The following PCNX2 variants were observed in gnomAD, a reference collection of about 807,000 sequenced individuals.
The protein encoded by PCNX2 is pecanex 2.
In PCNX2, 168 loss-of-function variants were observed where a neutral mutation model predicts 223.8. That is an observed-to-expected ratio of 0.75 (90% CI 0.66 to 0.85). The LOEUF is 0.85. PCNX2 is among the 40% of genes least tolerant of loss of function. The pLI is 0.00. For missense variants in PCNX2, 2,507 were observed against 2,675.5 expected, an observed-to-expected ratio of 0.94 and a Z score of 1.39; for synonymous variants, 1,006 against 1,052.6, an observed-to-expected ratio of 0.96 and a Z score of 0.86.
chr1:233,283,557 A>G (rs1428464658), intron 1 of PCNX2, among the ~76,000 whole-genome samples: 1 of 152,200 alleles, frequency 6.6e-6, no homozygotes, highest in Non-Finnish European at 1.5e-5. Context: ...ATATCCACGA[A>G]AAGGTCTCAC....
chr1:233,142,822 T>C (rs1677208256), intron 19 of PCNX2, among the ~76,000 whole-genome samples: 1 of 152,078 alleles, frequency 6.6e-6, no homozygotes, highest in Admixed American at 6.6e-5. Context: ...CTCCCTCCTT[T>C]TGAAAACTCA....
At chr1:233,191,468 A>T (rs942387696) in intron 15 of PCNX2, among the ~76,000 whole-genome samples, 1 of 152,200 alleles carries the variant, frequency 6.6e-6, no homozygotes, top group Non-Finnish European at 1.5e-5. Flanking sequence ...CATCAAGAAC[A>T]TCAAGAACAA....
At chr1:232,998,219 A>T in intron 32 of PCNX2, 32 bp downstream of exon 32, 4 of 1,496,284 alleles carry the variant, frequency 2.7e-6, no homozygotes, top group Non-Finnish European at 3.6e-6. Context: ...ATAGGACTTC[A>T]TCGATAGTTT....
intron 17 of PCNX2, among the ~76,000 whole-genome samples, chr1:233,176,279 C>T (rs1335068186): frequency 1.3e-5 from 2 of 152,034 alleles, no homozygotes; most frequent in African/African-American, 2.4e-5. Flanking sequence ...TGTCCAGAGC[C>T]CTTATCCTGG....
intron 23 of PCNX2, among the ~76,000 whole-genome samples, chr1:233,083,312 G>C (rs10752797): frequency 0.53 from 79,962 of 152,060 alleles, 21,431 homozygotes; most frequent in Non-Finnish European, 0.57. Flanking sequence ...AAAGGAAGGA[G>C]AGCTGCCTCC....
At chr1:233,181,467 G>T in intron 15 of PCNX2, among the ~76,000 whole-genome samples, 1 of 151,992 alleles carries the variant, frequency 6.6e-6, no homozygotes, top group East Asian at 1.9e-4. Context: ...CAAAGTGCTG[G>T]GATTAAAGGG....
At chr1:233,319,734 T>C in the PCNX2 span, among the ~76,000 whole-genome samples, 2 of 152,268 alleles carry the variant, frequency 1.3e-5, no homozygotes, top group African/African-American at 2.4e-5. Flanking sequence ...GATCTCTTAA[T>C]GTGCTTAAAA....
chr1:233,060,206 A>G (rs1672352764), intron 23 of PCNX2, among the ~76,000 whole-genome samples: 1 of 152,240 alleles, frequency 6.6e-6, no homozygotes, highest in Non-Finnish European at 1.5e-5. Flanking sequence ...CAGAAAATCC[A>G]GCAACCAACA....
intron 21 of PCNX2, chr1:233,112,720 A>ACG: frequency 1.5e-6 from 1 of 660,818 alleles, no homozygotes; most frequent in Non-Finnish European, 1.9e-6. Context: ...TGAACAATAT[A>ACG]ACTAAATTCA....
At chr1:233,234,330 T>C (rs1658257723) in intron 9 of PCNX2, among the ~76,000 whole-genome samples, 1 of 152,234 alleles carries the variant, frequency 6.6e-6, no homozygotes, top group South Asian at 2.1e-4. Flanking sequence ...GTAAATATTT[T>C]CTTAGGGTCT....
chr1:233,280,054 C>T (rs1314782038), intron 1 of PCNX2, among the ~76,000 whole-genome samples: 1 of 152,060 alleles, frequency 6.6e-6, no homozygotes, highest in Non-Finnish European at 1.5e-5. Context: ...ATATCTTCTG[C>T]TTTTTTCTCT....
At chr1:233,003,288 G>T (rs1378733884) in intron 28 of PCNX2, among the ~76,000 whole-genome samples, 1 of 151,950 alleles carries the variant, frequency 6.6e-6, no homozygotes, top group East Asian at 1.9e-4. Flanking sequence ...GAATCTACAA[G>T]GAACTTAAAC....
intron 14 of PCNX2, 95 bp from the exon 15 acceptor site, chr1:233,199,125 A>C (rs1680909060): frequency 1.8e-6 from 2 of 1,142,506 alleles, no homozygotes; most frequent in Non-Finnish European, 1.2e-6. Flanking sequence ...ATTCGCATAC[A>C]AGATGCCTGC....
intron 31 of PCNX2, 40 bp downstream of exon 31, chr1:232,999,065 C>T (rs1190958482): frequency 1.3e-6 from 2 of 1,550,540 alleles, no homozygotes; most frequent in Non-Finnish European, 1.7e-6. Context: ...CCACACCTTC[C>T]CCCAGCATCT....
intron 20 of PCNX2, 143 bp from the exon 21 acceptor site, chr1:233,135,333 G>T: frequency 1.3e-6 from 1 of 770,492 alleles, no homozygotes; most frequent in Non-Finnish European, 2.0e-6. Context: ...CCCCATTATT[G>T]TCTGCATTTT....
At chr1:233,075,984 T>G (rs1673080522) in intron 23 of PCNX2, among the ~76,000 whole-genome samples, 1 of 152,172 alleles carries the variant, frequency 6.6e-6, no homozygotes, top group Non-Finnish European at 1.5e-5. Flanking sequence ...TTTCTGCAAA[T>G]GCAACTAATA....
At chr1:233,094,885 A>G (rs1674066957) in intron 22 of PCNX2, among the ~76,000 whole-genome samples, 3 of 152,212 alleles carry the variant, frequency 2.0e-5, no homozygotes, top group South Asian at 2.1e-4. Flanking sequence ...TTTGATTTAA[A>G]AAGTATGAGT....
At chr1:233,062,130 T>C (rs946182839) in intron 23 of PCNX2, among the ~76,000 whole-genome samples, 1 of 152,202 alleles carries the variant, frequency 6.6e-6, no homozygotes, top group African/African-American at 2.4e-5. Context: ...ACACCTAGCA[T>C]GTCATTACTA....
chr1:233,102,316 T>C (rs1213913873), intron 21 of PCNX2, among the ~76,000 whole-genome samples: 1 of 152,194 alleles, frequency 6.6e-6, no homozygotes, highest in East Asian at 1.9e-4. Context: ...ATTTTGGCTG[T>C]TGTGAATAGT....
Sources: gnomAD v4.1 joint callset for allele counts (sites outside exome capture counted in the v4.1 genomes callset) on GRCh38, gnomAD v4.1.1 for gene constraint, MANE v1.5 for transcripts, NCBI Gene and HGNC (gene_info 2026-07-23, HGNC 2026-07-21) for gene names.